LRCH1: variants seen among roughly 807,000 people sequenced by gnomAD.
LRCH1 encodes leucine-rich repeat and calponin homology domain-containing protein 1.
In LRCH1, 23 loss-of-function variants were observed where a neutral mutation model predicts 94.9. That is an observed-to-expected ratio of 0.24 (90% CI 0.17 to 0.34). LRCH1 has a LOEUF of 0.34. LRCH1 is among the 10% of genes least tolerant of loss of function. The pLI is 1.00. For missense variants in LRCH1, 790 were observed against 945.9 expected (o/e 0.84, Z 2.16); for synonymous variants, 364 against 354.9 (o/e 1.03, Z -0.29).
chr13:46,733,925 A>G lies in LRCH1; in HGVS notation c.2012A>G (p.Lys671Arg), dbSNP rs1367572892. Residue 671 changes from lysine (K) to arginine (R), a missense_variant, in exon 19 of 20, where the codon AAA becomes AGA. Coordinates refer to ENST00000389797, the MANE Select transcript of LRCH1 (RefSeq NM_001164211.2). ...SIHVPSPAVP[K>R]LSMAKCRRNV... ...TCCGTATATTTGCATTTATAGCCCAAACTTAGCATGGCCAAATGCAGAAGA... is the reference window on the plus strand; with the variant it reads ...TCCGTATATTTGCATTTATAGCCCAGACTTAGCATGGCCAAATGCAGAAGA... 6.3e-7 allele frequency: 1 copy of G among 1,596,242 alleles called. No homozygotes were observed. The highest frequency in any genetic ancestry group is 8.5e-7 in the Non-Finnish European group (1 of 1,170,426).
chr13:46,699,199 C>A, intron 9 of LRCH1, 137 bp from the exon 10 acceptor site: 1 of 669,648 alleles, frequency 1.5e-6, no homozygotes, highest in East Asian at 2.6e-5. Flanking sequence ...TCTGTCCCTC[C>A]ATAGATGGCT....
chr13:46,625,484 C>G (rs1039028600), intron 1 of LRCH1, among the ~76,000 whole-genome samples: 1 of 152,194 alleles, frequency 6.6e-6, no homozygotes, highest in African/African-American at 2.4e-5. Context: ...CTTCTTTCCT[C>G]TTCTACCATA....
chr13:46,650,722 C>CAAAAA (rs756410319), intron 2 of LRCH1, among the ~76,000 whole-genome samples: 13 of 58,196 alleles, frequency 2.2e-4, no homozygotes, highest in East Asian at 6.2e-4. Flanking sequence ...AAACAAGGAG[C>CAAAAA]AAAAAAAAAA....
intron 1 of LRCH1, among the ~76,000 whole-genome samples, chr13:46,604,102 A>G (rs1404260501): frequency 3.3e-5 from 5 of 152,238 alleles, no homozygotes. Flanking sequence ...TAGCAAATAA[A>G]AATACAAGAC....
intron 1 of LRCH1, among the ~76,000 whole-genome samples, chr13:46,626,677 T>C (rs113385088): frequency 1.3e-5 from 2 of 152,232 alleles, no homozygotes; most frequent in Admixed American, 1.3e-4. Flanking sequence ...CAAAGCCTGT[T>C]TGGTGGTCTC....
At chr13:46,685,068 C>G (rs989757497) in intron 4 of LRCH1, among the ~76,000 whole-genome samples, 1 of 152,200 alleles carries the variant, frequency 6.6e-6, no homozygotes, top group African/African-American at 2.4e-5. Context: ...CATCCCTTAA[C>G]AGATCCCATA....
intron 1 of LRCH1, among the ~76,000 whole-genome samples, chr13:46,556,701 A>G (rs1211798577): frequency 6.6e-6 from 1 of 152,184 alleles, no homozygotes; most frequent in Non-Finnish European, 1.5e-5. Context: ...TGAGATGGTC[A>G]ACCGGTGATT....
At chr13:46,660,156 C>T (rs112104187) in intron 2 of LRCH1, among the ~76,000 whole-genome samples, 318 of 150,074 alleles carry the variant, frequency 2.1e-3, no homozygotes, top group African/African-American at 7.3e-3. Flanking sequence ...GGACTACAGG[C>T]GCCCGCCACC....
chr13:46,727,861 A>C (rs1872898839), intron 17 of LRCH1, among the ~76,000 whole-genome samples: 1 of 152,132 alleles, frequency 6.6e-6, no homozygotes, highest in Non-Finnish European at 1.5e-5. Context: ...AAGAAGGACA[A>C]AGATTGATTT....
At chr13:46,717,932 A>G (rs1308147450) in intron 16 of LRCH1, among the ~76,000 whole-genome samples, 2 of 152,196 alleles carry the variant, frequency 1.3e-5, no homozygotes, top group African/African-American at 4.8e-5. Context: ...TTGAGTTCTC[A>G]AAGTCCCCAA....
At chr13:46,696,163 A>G (rs910117087) in intron 9 of LRCH1, among the ~76,000 whole-genome samples, 9 of 149,876 alleles carry the variant, frequency 6.0e-5, no homozygotes, top group Non-Finnish European at 1.3e-4. Context: ...TTCTTACCCA[A>G]TGCTGCACCC....
chr13:46,641,345 C>T (rs2051156051), intron 1 of LRCH1, among the ~76,000 whole-genome samples: 1 of 152,148 alleles, frequency 6.6e-6, no homozygotes, highest in Admixed American at 6.5e-5. Context: ...GCAGTGGTCC[C>T]AGGAAGAGTA....
At chr13:46,735,515 A>G (rs1873326735) in intron 19 of LRCH1, among the ~76,000 whole-genome samples, 1 of 152,232 alleles carries the variant, frequency 6.6e-6, no homozygotes, top group Non-Finnish European at 1.5e-5. Context: ...AATGCCCTTA[A>G]CCAATTATTG....
At chr13:46,560,659 T>G (rs1411066651) in intron 1 of LRCH1, among the ~76,000 whole-genome samples, 2 of 152,212 alleles carry the variant, frequency 1.3e-5, no homozygotes, top group Non-Finnish European at 2.9e-5. Flanking sequence ...ACTAGTCTTT[T>G]GTTGCATGAA....
intron 1 of LRCH1, among the ~76,000 whole-genome samples, chr13:46,567,492 T>TTGTGTGTG (rs35848521): frequency 0.018 from 2,503 of 141,936 alleles, 25 homozygotes; most frequent in Middle Eastern, 0.032. Context: ...TAAGGCAATT[T>TTGTGTGTG]TGTGTGTGTG....
At chr13:46,718,718 C>A (rs751916859) in intron 16 of LRCH1, among the ~76,000 whole-genome samples, 27 of 152,156 alleles carry the variant, frequency 1.8e-4, no homozygotes, top group Non-Finnish European at 3.2e-4. Context: ...TAGCCTGGAT[C>A]TAAAGCTCGT....
intron 1 of LRCH1, among the ~76,000 whole-genome samples, chr13:46,628,660 G>GAAAAA (rs749021332): frequency 8.5e-6 from 1 of 118,016 alleles, no homozygotes; most frequent in Non-Finnish European, 1.7e-5. Flanking sequence ...CTGTCTCAGG[G>GAAAAA]AAGAAAAAAA....
chr13:46,678,743 A>G (rs561602256), intron 3 of LRCH1, among the ~76,000 whole-genome samples: 4 of 152,290 alleles, frequency 2.6e-5, no homozygotes, highest in African/African-American at 9.6e-5. Context: ...TAATAAGGCT[A>G]TTATGTTAGA....
chr13:46,716,214 A>T (rs1318136816), intron 16 of LRCH1, among the ~76,000 whole-genome samples: 1 of 152,046 alleles, frequency 6.6e-6, no homozygotes. Flanking sequence ...CTTCTTGAGT[A>T]TAGGTTCATC....
Sources: allele counts gnomAD v4.1 joint callset (sites outside exome capture counted in the v4.1 genomes callset), GRCh38; gene constraint gnomAD v4.1.1; transcripts MANE v1.5; gene names NCBI Gene and HGNC (gene_info 2026-07-23, HGNC 2026-07-21).